The following RPGRIP1L variants were observed in gnomAD, a reference collection of about 807,000 sequenced individuals.
RPGRIP1L encodes protein fantom.
In RPGRIP1L, 131 loss-of-function variants were observed where a neutral mutation model predicts 160.4. The ratio of observed to expected loss-of-function variants is 0.82; its 90% CI spans 0.71 to 0.94. The LOEUF (loss-of-function observed/expected upper bound fraction) is 0.94, where lower values mean the gene tolerates loss of function less well. Among genes scored for constraint, RPGRIP1L ranks in the 40% least tolerant of loss-of-function variants. The probability of loss-of-function intolerance (pLI) is 0.00; values close to 1 mark genes in which losing one functional copy is unlikely to be tolerated. For synonymous variants in RPGRIP1L, 510 were observed against 515.8 expected (o/e 0.99, Z 0.15); for missense variants, 1,522 against 1,535.8 (o/e 0.99, Z 0.15).
chr16:53,631,579 TCA>T (rs1345798583), intron 22 of RPGRIP1L, among the ~76,000 whole-genome samples: 1 of 152,230 alleles, frequency 6.6e-6, no homozygotes, highest in Non-Finnish European at 1.5e-5. Flanking sequence ...ATGCAAATGT[TCA>T]GTTTTGATGT....
At chr16:53,637,379 A>T (rs1965905926) in intron 21 of RPGRIP1L, among the ~76,000 whole-genome samples, 1 of 152,190 alleles carries the variant, frequency 6.6e-6, no homozygotes. Context: ...TTAAAAAGTC[A>T]AGACCTCTAC....
At chr16:53,625,572 C>G (rs1471222947) in intron 22 of RPGRIP1L, among the ~76,000 whole-genome samples, 2 of 150,784 alleles carry the variant, frequency 1.3e-5, no homozygotes, top group Non-Finnish European at 3.0e-5. Context: ...GTGGGGGGGC[C>G]CCTCTGCCCA....
rs1970453736 is a variant in RPGRIP1L at position 53,692,422 on chromosome 16, TG to T, written c.231-59del. The T allele has an allele frequency of 6.7e-6, 10 of 1,503,112 alleles. 1 individual carries two copies. In the South Asian group the frequency reaches 1.1e-4, roughly 17 times the overall value. 93.1% of individuals were successfully genotyped at this position (1,503,112 alleles called of 1,614,324 possible). ...TGAGAAGTCAGCATAAAATCCATTC[TG>T]TTGAAAGGAACATAATCACTGTGAA... On this transcript the variant is annotated intron_variant, in intron 3 of 26. Coordinates refer to ENST00000647211, the MANE Select transcript of RPGRIP1L (RefSeq NM_015272.5).
At chr16:53,675,238 T>C in intron 6 of RPGRIP1L, 116 bp from the exon 7 acceptor site, 1 of 693,392 alleles carries the variant, frequency 1.4e-6, no homozygotes, top group Non-Finnish European at 2.6e-6. Flanking sequence ...ATTTATATAC[T>C]TGTACATCAG....
chr16:53,685,701 C>T (rs1380366368), intron 6 of RPGRIP1L, among the ~76,000 whole-genome samples: 1 of 143,454 alleles, frequency 7.0e-6, no homozygotes, highest in Admixed American at 7.1e-5. Flanking sequence ...ACACTGGGGC[C>T]TGTCGGAGGG....
At chr16:53,671,323 G>C (rs1028697784) in intron 9 of RPGRIP1L, among the ~76,000 whole-genome samples, 187 bp downstream of exon 9, 3 of 152,106 alleles carry the variant, frequency 2.0e-5, no homozygotes, top group African/African-American at 4.8e-5. Context: ...ATAGGCTACT[G>C]CTCAGGTTAA....
chr16:53,676,641 TA>T (rs1178753521), intron 6 of RPGRIP1L, among the ~76,000 whole-genome samples: 4 of 152,116 alleles, frequency 2.6e-5, no homozygotes, highest in African/African-American at 9.7e-5. Context: ...TTTATTTATT[TA>T]TTTTTTTTTG....
intron 22 of RPGRIP1L, 52 bp from the exon 23 acceptor site, chr16:53,622,408 A>G (rs1742192382): frequency 1.0e-5 from 6 of 573,092 alleles, no homozygotes; most frequent in Non-Finnish European, 1.9e-5. Context: ...CATTAAATGC[A>G]TAATAGACAA....
intron 2 of RPGRIP1L, among the ~76,000 whole-genome samples, chr16:53,698,174 C>A (rs1384831277): frequency 2.4e-4 from 36 of 150,986 alleles, no homozygotes; most frequent in African/African-American, 8.7e-4. Flanking sequence ...GGCAGCCGCC[C>A]CGTCTGAGAA....
At chr16:53,602,250 C>T (rs1038443563) in intron 26 of RPGRIP1L, 62 bp from the exon 27 acceptor site, 11 of 1,103,400 alleles carry the variant, frequency 1.0e-5, no homozygotes, top group Admixed American at 1.7e-5. Flanking sequence ...TGGAAAGGCT[C>T]GCAGACAGAA....
chr16:53,627,906 A>C (rs1397308973), intron 22 of RPGRIP1L, among the ~76,000 whole-genome samples: 1 of 152,136 alleles, frequency 6.6e-6, no homozygotes, highest in East Asian at 1.9e-4. Context: ...TGCTATTACA[A>C]TGCTGCATTA....
chr16:53,625,206 C>T (rs1024102635), intron 22 of RPGRIP1L, among the ~76,000 whole-genome samples: 8 of 151,844 alleles, frequency 5.3e-5, no homozygotes, highest in Non-Finnish European at 1.2e-4. Flanking sequence ...AAGTGAGGAG[C>T]GTCTCTGCCT....
At chr16:53,692,467 GAAT>G (rs1386985438) in intron 3 of RPGRIP1L, 103 bp from the exon 4 acceptor site, 2 of 1,084,324 alleles carry the variant, frequency 1.8e-6, no homozygotes, top group Non-Finnish European at 2.8e-6. Flanking sequence ...TGCAGAACCT[GAAT>G]AATAAATTTC....
chr16:53,702,690 T>C (rs1396163418), intron 1 of RPGRIP1L, among the ~76,000 whole-genome samples: 1 of 150,378 alleles, frequency 6.6e-6, no homozygotes, highest in East Asian at 1.9e-4. Flanking sequence ...TTCTTTTCTT[T>C]TTTTTTTTTT....
chr16:53,688,428 C>T (rs567596186), intron 4 of RPGRIP1L, among the ~76,000 whole-genome samples: 1 of 151,874 alleles, frequency 6.6e-6, no homozygotes, highest in Non-Finnish European at 1.5e-5. Flanking sequence ...TTATTCCACC[C>T]CAATAACAAA....
chr16:53,693,384 T>C (rs963972690), intron 3 of RPGRIP1L: 1 of 152,160 alleles, frequency 6.6e-6, no homozygotes, highest in African/African-American at 2.4e-5. Context: ...GGAACAAAAG[T>C]GAAATAAAAA....
At chr16:53,645,593 A>C in intron 17 of RPGRIP1L, 32 bp downstream of exon 17, 1 of 1,599,448 alleles carries the variant, frequency 6.3e-7, no homozygotes, top group South Asian at 1.1e-5. Flanking sequence ...TTTTGTTTTT[A>C]CAATTTTATA....
chr16:53,690,083 T>G (rs139000393), intron 4 of RPGRIP1L, among the ~76,000 whole-genome samples: 4 of 152,226 alleles, frequency 2.6e-5, no homozygotes, highest in African/African-American at 9.6e-5. Context: ...AAAACTTATT[T>G]TTCTCTTCCT....
At chr16:53,687,358 A>C (rs1970092514) in intron 5 of RPGRIP1L, among the ~76,000 whole-genome samples, 1 of 152,170 alleles carries the variant, frequency 6.6e-6, no homozygotes, top group East Asian at 1.9e-4. Flanking sequence ...AAGTAAGCTA[A>C]ATGTGGCAGA....
Sources: gnomAD v4.1 joint callset for allele counts (sites outside exome capture counted in the v4.1 genomes callset) on GRCh38, gnomAD v4.1.1 for gene constraint, MANE v1.5 for transcripts, NCBI Gene and HGNC (gene_info 2026-07-23, HGNC 2026-07-21) for gene names.